Variants in MED27 observed in about 807,000 individuals in gnomAD.
MED27 encodes mediator complex subunit 27.
Under a neutral mutation model 38.2 loss-of-function variants are expected in MED27, and 30 were observed. The observed-to-expected ratio is 0.79, with a 90% CI of 0.59 to 1.07. The LOEUF is 1.07. MED27 is among the 50% of genes least tolerant of loss of function. The pLI is 0.00. For synonymous variants in MED27, 122 were observed against 153.5 expected (o/e 0.79, Z 1.52); for missense variants, 289 against 397.5 (o/e 0.73, Z 2.32).
chr9:131,996,069 C>T (rs1403077355), intron 3 of MED27, among the ~76,000 whole-genome samples: 1 of 152,184 alleles, frequency 6.6e-6, no homozygotes, highest in East Asian at 1.9e-4. Context: ...CTGGGAATAG[C>T]AGGGATCTCA....
chr9:132,009,807 A>T (rs1212014196), intron 3 of MED27, among the ~76,000 whole-genome samples: 2 of 152,246 alleles, frequency 1.3e-5, no homozygotes, highest in African/African-American at 4.8e-5. Context: ...TTAACATAGC[A>T]ACCTTGGAGG....
intron 4 of MED27, among the ~76,000 whole-genome samples, chr9:131,905,730 GAAAAAGA>G (rs1312077760): frequency 6.7e-5 from 2 of 30,000 alleles, no homozygotes; most frequent in African/African-American, 1.9e-4. Flanking sequence ...AAAAAAAACA[GAAAAAGA>G]AAAAGAAAAA....
intron 3 of MED27, among the ~76,000 whole-genome samples, chr9:131,978,600 G>A (rs1831661127): frequency 6.6e-6 from 1 of 152,162 alleles, no homozygotes; most frequent in African/African-American, 2.4e-5. Flanking sequence ...TCTGATGGAT[G>A]CCGGAGTCCA....
At chr9:132,028,374 TTCTCCCTG>T (rs1448663222) in intron 2 of MED27, among the ~76,000 whole-genome samples, 1 of 152,194 alleles carries the variant, frequency 6.6e-6, no homozygotes, top group Non-Finnish European at 1.5e-5. Flanking sequence ...CCCACTCACC[TTCTCCCTG>T]TCTCCCATAC....
chr9:131,885,933 C>G (rs1269806355), intron 5 of MED27, among the ~76,000 whole-genome samples: 1 of 152,150 alleles, frequency 6.6e-6, no homozygotes, highest in African/African-American at 2.4e-5. Flanking sequence ...GGGAACCTGC[C>G]TTGGGGGTTG....
chr9:131,860,230 G>A lies in MED27; in HGVS notation c.*308C>T, dbSNP rs907865216. ...CAAGGGCTCATTCCAGTAACAGCTC[G>A]CGGAGACGACAGACACCAGCACTGC... is the stretch of plus-strand genomic sequence containing the variant. On this transcript the variant is annotated 3_prime_UTR_variant, in exon 8 of 8. Transcript: ENST00000292035. The surrounding 1 kb of genome is among the most constrained non-coding windows in gnomAD (Gnocchi z 5.8). 2.2e-5 allele frequency: 6 copies of A among 277,398 alleles called. No homozygotes were observed. The highest frequency in any genetic ancestry group is 1.1e-4 in the African/African-American group (5 of 45,622). 17.2% of individuals were successfully genotyped at this position (277,398 alleles called of 1,614,324 possible). A position where few individuals can be genotyped will look rare whatever the true frequency, so the allele number is the denominator to read the frequency against.
At chr9:132,017,767 A>G (rs997124282) in intron 2 of MED27, among the ~76,000 whole-genome samples, 1 of 152,164 alleles carries the variant, frequency 6.6e-6, no homozygotes. Context: ...TTTTCTATGA[A>G]TGACCTAGGA....
intron 3 of MED27, among the ~76,000 whole-genome samples, chr9:131,951,806 A>G (rs1831002782): frequency 6.6e-6 from 1 of 152,376 alleles, no homozygotes; most frequent in East Asian, 1.9e-4. Context: ...CAAAGCCTCA[A>G]AAAGTTAATT....
chr9:131,941,917 C>T (rs539469014), intron 3 of MED27, among the ~76,000 whole-genome samples: 1 of 149,588 alleles, frequency 6.7e-6, no homozygotes, highest in South Asian at 2.1e-4. Context: ...GCTCCACCTC[C>T]CTGGTTCACA....
intron 6 of MED27, among the ~76,000 whole-genome samples, chr9:131,864,740 G>T (rs1031868563): frequency 1.3e-5 from 2 of 152,264 alleles, no homozygotes; most frequent in African/African-American, 4.8e-5. Context: ...ACGTGAGGAC[G>T]CCGGCTCTGC....
intron 4 of MED27, among the ~76,000 whole-genome samples, chr9:131,937,670 A>G (rs1830708030): frequency 6.6e-6 from 1 of 152,190 alleles, no homozygotes; most frequent in African/African-American, 2.4e-5. Flanking sequence ...TGACCCAGAA[A>G]TAATTTGAAC....
At chr9:131,990,005 T>C (rs1459433158) in intron 3 of MED27, among the ~76,000 whole-genome samples, 1 of 152,092 alleles carries the variant, frequency 6.6e-6, no homozygotes, top group Non-Finnish European at 1.5e-5. Context: ...ATTCAGCCAC[T>C]ACCCTCCTAT....
At chr9:131,906,768 T>A (rs1830070848) in intron 4 of MED27, among the ~76,000 whole-genome samples, 1 of 152,280 alleles carries the variant, frequency 6.6e-6, no homozygotes, top group South Asian at 2.1e-4. Context: ...GCAAATTTAT[T>A]AGGAAAGTAA....
intron 2 of MED27, among the ~76,000 whole-genome samples, chr9:132,057,099 G>A (rs1472355649): frequency 6.6e-6 from 1 of 152,186 alleles, no homozygotes; most frequent in Admixed American, 6.5e-5. Context: ...TTGCCCTCTG[G>A]TTCCACAAAA....
chr9:131,932,490 A>C (rs1319184228), intron 4 of MED27, among the ~76,000 whole-genome samples: 1 of 152,210 alleles, frequency 6.6e-6, no homozygotes, highest in East Asian at 1.9e-4. Context: ...ATGAGCAACT[A>C]CATGCCAATA....
intron 4 of MED27, among the ~76,000 whole-genome samples, chr9:131,914,581 T>C (rs1439197078): frequency 1.3e-5 from 2 of 152,210 alleles, no homozygotes; most frequent in African/African-American, 4.8e-5. Flanking sequence ...AGAGCTCTCA[T>C]TCTAGTGGGT....
At chr9:132,007,394 C>T (rs778484364) in intron 3 of MED27, among the ~76,000 whole-genome samples, 29 of 152,162 alleles carry the variant, frequency 1.9e-4, no homozygotes, top group Non-Finnish European at 3.7e-4. Context: ...ACCGCTGATA[C>T]ATGCAACATA....
chr9:131,923,165 C>CATCTAT (rs1316529895), intron 4 of MED27, among the ~76,000 whole-genome samples: 1 of 152,220 alleles, frequency 6.6e-6, no homozygotes. Flanking sequence ...TGTACAGACA[C>CATCTAT]ATCTATATCT....
Position 131,860,716 on chromosome 9 carries a change from G to C in MED27, c.802-44C>G, listed in dbSNP as rs201205401. 1.2e-6 allele frequency: 2 copies of C among 1,602,214 alleles called. No individual in the cohort carries two copies. The highest frequency in any genetic ancestry group is 2.2e-5 in the East Asian group (1 of 44,508). ...AGAGAAGTGAAAGAATGGGATACGG[G>C]TGCTCCCAAAGTCCTCCTTCCTATC... On this transcript the variant is annotated intron_variant, in intron 7 of 7. Transcript: ENST00000292035. The surrounding 1 kb of genome is among the most constrained non-coding windows in gnomAD (Gnocchi z 5.8).
Sources: gnomAD v4.1 joint callset for allele counts (sites outside exome capture counted in the v4.1 genomes callset) on GRCh38, gnomAD v4.1.1 for gene constraint, Gnocchi (gnomAD v3.1) non-coding constraint, MANE v1.5 for transcripts, NCBI Gene and HGNC (gene_info 2026-07-23, HGNC 2026-07-21) for gene names.